GPR55: variants seen among roughly 807,000 people sequenced by gnomAD.
GPR55 encodes the protein G protein-coupled receptor 55.
Under a neutral mutation model 7.9 loss-of-function variants are expected in GPR55, and 6 were observed. That is an observed-to-expected ratio of 0.76 (90% confidence interval 0.41 to 1.49). The LOEUF (loss-of-function observed/expected upper bound fraction) is 1.49. GPR55 is among the 40% of genes most tolerant of loss of function. GPR55 has a pLI of 0.01. For missense variants in GPR55, 376 were observed against 406.0 expected, an observed-to-expected ratio of 0.93 and a Z score of 0.63; for synonymous variants, 183 against 166.8, an observed-to-expected ratio of 1.10 and a Z score of -0.75.
chr2:230,931,279 G>A (rs1283591907), intron 1 of GPR55, among the ~76,000 whole-genome samples: 2 of 152,196 alleles, frequency 1.3e-5, no homozygotes, highest in African/African-American at 4.8e-5. Context: ...CTGTCCTGAG[G>A]ACCACGCCGA....
intron 1 of GPR55, among the ~76,000 whole-genome samples, chr2:230,958,997 T>C (rs1691530940): frequency 6.6e-6 from 1 of 152,216 alleles, no homozygotes; most frequent in South Asian, 2.1e-4. Flanking sequence ...CCACTGGAAA[T>C]ACAATGAGAA....
intron 1 of GPR55, among the ~76,000 whole-genome samples, chr2:230,947,150 A>G (rs982909744): frequency 6.6e-6 from 1 of 152,164 alleles, no homozygotes; most frequent in South Asian, 2.1e-4. Context: ...GCTCCTTTCC[A>G]CTATGGGTGT....
chr2:230,922,476 A>T (rs527792367), intron 1 of GPR55, among the ~76,000 whole-genome samples: 189 of 152,318 alleles, frequency 1.2e-3, no homozygotes, highest in African/African-American at 4.3e-3. Flanking sequence ...CCCAGGCTCA[A>T]GCAATCCTCC....
In GPR55 at chr2:230,951,773, T is replaced by C. The variant is rs202225147; in HGVS notation, c.-135+9002A>G. Among the ~76,000 whole-genome samples the C allele has an allele frequency of 2.2e-3, 338 of 150,330 alleles. 1 individual carries two copies. The highest frequency in any genetic ancestry group is 3.9e-3 in the Non-Finnish European group (263 of 67,700). ...TTATTGGGGTTTTTTTTTTTTTTTT[T>C]TGTGAGACAGGGTCTTGCTCTGTTG... On this transcript the variant is annotated intron_variant, in intron 1 of 1. Coordinates refer to the GPR55 transcript ENST00000392039.
At position 230,910,432 on chromosome 2, in the gene GPR55, C is replaced by G. The variant is rs965129422; in HGVS notation, c.531G>C (p.Trp177Cys). The change falls in exon 2 of 2, where the codon TGG becomes TGC. Residue 177 changes from tryptophan (W) to cysteine (C), a missense_variant. By Grantham distance (215) the Trp-to-Cys change is radical. Coordinates refer to ENST00000650999, the MANE Select transcript of GPR55 (RefSeq NM_005683.4). The surrounding 1 kb of genome is among the most constrained non-coding windows in gnomAD (Gnocchi z 5.4). ...MCFHNMSDDT[W>C]SAKVFFPLEV... is the part of the protein sequence containing the mutation. Reference sequence around the variant, plus strand: ...CCAGCGGGAAGAAGACCTTGGCGCTCCAGGTATCATCAGACATGTTGTGGA... The same window carrying G: ...CCAGCGGGAAGAAGACCTTGGCGCTGCAGGTATCATCAGACATGTTGTGGA... The G allele has an allele frequency of 1.2e-6, 2 of 1,613,676 alleles. No individual in the cohort carries two copies. Among genetic ancestry groups the G allele is most frequent in the African/African-American group, 2.7e-5 (2 of 74,912 alleles).
rs780203322 is a variant in GPR55, at chr2:230,908,786, C to G, written c.*1217G>C. 1 of 152,382 alleles carries G rather than the reference C, an allele frequency of 6.6e-6. No homozygotes were observed. Among genetic ancestry groups the G allele is most frequent in the Admixed American group, 6.5e-5 (1 of 15,280 alleles). 9.4% of individuals were successfully genotyped at this position (152,382 alleles called of 1,614,324 possible). ...AGCAGCTGAGTCATTGGGAGGCTTC[C>G]GCTGTCACTTGCACTCCTCCTCCAG... On this transcript the variant is annotated 3_prime_UTR_variant, in exon 2 of 2. Transcript: ENST00000650999.
intron 1 of GPR55, among the ~76,000 whole-genome samples, chr2:230,938,321 G>C (rs1691164883): frequency 6.7e-6 from 1 of 149,184 alleles, no homozygotes; most frequent in Non-Finnish European, 1.5e-5. Context: ...TCCTTTAAAA[G>C]ATGATGTAAT....
chr2:230,948,546 G>C (rs1167346146), intron 1 of GPR55, among the ~76,000 whole-genome samples: 1 of 152,202 alleles, frequency 6.6e-6, no homozygotes, highest in Non-Finnish European at 1.5e-5. Context: ...TTGAGGCTTT[G>C]TTTCCAGGCA....
Position 230,909,847 on chromosome 2 carries a change from G to C in GPR55, c.*156C>G. The C allele has an allele frequency of 1.3e-6, 1 of 751,736 alleles. No individual in the cohort carries two copies. The highest frequency in any genetic ancestry group is 2.2e-6 in the Non-Finnish European group (1 of 456,334). 46.6% of individuals were successfully genotyped at this position (751,736 alleles called of 1,614,324 possible). On this transcript the variant is annotated 3_prime_UTR_variant, in exon 2 of 2. Transcript: ENST00000650999. ...GGGCAGTGGAAAAAAGGTCTTTGGG[G>C]TATAATGAGCAAAGCTGGCACTCAA...
intron 1 of GPR55, among the ~76,000 whole-genome samples, chr2:230,938,146 CAAAAAAAAAAAAAAA>C (rs59307128): frequency 5.0e-5 from 1 of 19,886 alleles, no homozygotes; most frequent in Non-Finnish European, 1.3e-4. Flanking sequence ...GACCCTGTCT[CAAAAAAAAAAAAAAA>C]AAAAAAAAAA....
Position 230,909,821 on chromosome 2 carries a change from T to TGGGCAGTGGAAAAAAGCAGGTCG in GPR55, c.*181_*182insCGACCTGCTTTTTTCCACTGCCC. On this transcript the variant is annotated 3_prime_UTR_variant, in exon 2 of 2. Transcript: ENST00000650999. ...TGAACACTGGGTGGTATAAGCTGTC[T>TGGGCAGTGGAAAAAAGCAGGTCG]GGGCAGTGGAAAAAAGGTCTTTGGG... 1 of 626,554 alleles carries TGGGCAGTGGAAAAAAGCAGGTCG rather than the reference T, an allele frequency of 1.6e-6. No individual in the cohort carries two copies. Among genetic ancestry groups the TGGGCAGTGGAAAAAAGCAGGTCG allele is most frequent in the South Asian group, 2.0e-5 (1 of 49,652 alleles). The allele number at this position is 626,554 out of a possible 1,614,324, so 38.8% of individuals were successfully genotyped here.
In GPR55 at chr2:230,910,806, A is replaced by G. The variant is rs769766165; in HGVS notation, c.157T>C (p.Trp53Arg). 1.2e-6 allele frequency: 2 copies of G among 1,613,996 alleles called. No homozygotes were observed. The change falls in exon 2 of 2, where the codon TGG becomes CGG. Residue 53 changes from tryptophan to arginine, a missense_variant. Physicochemically the swap from Trp to Arg is moderately radical, Grantham distance 101. Transcript: ENST00000650999. The surrounding 1 kb of genome is among the most constrained non-coding windows in gnomAD (Gnocchi z 5.4). ...ATGGAGGTGGCAGCATAATCGGGCC[A>G]CCTGTTCTTAAGGAAGGTGCTGAAG... ...HGFSTFLKNRWPDYAATSIYM... is the reference protein window; with the variant it reads ...HGFSTFLKNRRPDYAATSIYM...
rs1392063443 is a variant in GPR55 at position 230,909,803 on chromosome 2, T to C, written c.*200A>G. The C allele has an allele frequency of 3.4e-6, 2 of 585,300 alleles. No homozygotes were observed. Among genetic ancestry groups the C allele is most frequent in the Non-Finnish European group, 6.0e-6 (2 of 330,978 alleles). 36.3% of individuals were successfully genotyped at this position (585,300 alleles called of 1,614,324 possible). On this transcript the variant is annotated 3_prime_UTR_variant, in exon 2 of 2. Transcript: ENST00000650999. ...GGGTTCTTCAGAGATCCCTGAACAC[T>C]GGGTGGTATAAGCTGTCTGGGCAGT...
chr2:230,952,595 C>T (rs1691420417), intron 1 of GPR55, among the ~76,000 whole-genome samples: 2 of 152,234 alleles, frequency 1.3e-5, no homozygotes, highest in Non-Finnish European at 2.9e-5. Context: ...TTCCAGGAGT[C>T]CTATAGAGAA....
At chr2:230,950,468 T>C (rs958214707) in intron 1 of GPR55, among the ~76,000 whole-genome samples, 1 of 152,198 alleles carries the variant, frequency 6.6e-6, no homozygotes, top group Non-Finnish European at 1.5e-5. Context: ...TTTGCTCTTC[T>C]TTCCCGCACT....
In GPR55 at chr2:230,910,313, T is replaced by C; in HGVS notation, c.650A>G (p.Asp217Gly). 1 of 1,613,172 alleles carries C rather than the reference T, an allele frequency of 6.2e-7. No individual in the cohort carries two copies. The highest frequency in any genetic ancestry group is 8.5e-7 in the Non-Finnish European group (1 of 1,179,488). Residue 217 changes from aspartate (D) to glycine (G), a missense_variant, in exon 2 of 2, where the codon GAC becomes GGC. By Grantham distance (94) the Asp-to-Gly change is moderately conservative. Coordinates refer to ENST00000650999, the MANE Select transcript of GPR55 (RefSeq NM_005683.4). This position sits in a 1 kb window ranked among gnomAD's most constrained non-coding sequence, Gnocchi z 5.4. ...ILLGRRDHTQ[D>G]WVQQKACIYS... ...GATGCAGGCTTTCTGCTGCACCCAGTCCTGGGTGTGGTCTCGGCGGCCCAG... is the reference window on the plus strand; with the variant it reads ...GATGCAGGCTTTCTGCTGCACCCAGCCCTGGGTGTGGTCTCGGCGGCCCAG...
intron 1 of GPR55, among the ~76,000 whole-genome samples, chr2:230,941,753 G>A (rs536824884): frequency 1.1e-4 from 17 of 152,174 alleles, no homozygotes; most frequent in African/African-American, 3.4e-4. Context: ...CTCAACTCGG[G>A]GTCCCCTTTA....
chr2:230,946,176 C>A (rs1333952165), intron 1 of GPR55, among the ~76,000 whole-genome samples: 1 of 152,062 alleles, frequency 6.6e-6, no homozygotes, highest in Non-Finnish European at 1.5e-5. Context: ...CTCACAGAAG[C>A]AGGAAATAGG....
At chr2:230,950,995 C>A (rs1052246245) in intron 1 of GPR55, among the ~76,000 whole-genome samples, 4 of 152,182 alleles carry the variant, frequency 2.6e-5, no homozygotes, top group African/African-American at 9.7e-5. Flanking sequence ...TTCCCCTATA[C>A]CTTGCCCTGT....
Sources: allele counts gnomAD v4.1 joint callset (sites outside exome capture counted in the v4.1 genomes callset), GRCh38; gene constraint gnomAD v4.1.1; non-coding constraint Gnocchi (gnomAD v3.1); transcripts MANE v1.5; gene names NCBI Gene and HGNC (gene_info 2026-07-23, HGNC 2026-07-21).